RPIA: variants seen among roughly 807,000 people sequenced by gnomAD.
The protein encoded by RPIA is ribose-5-phosphate isomerase.
RPIA carries 29 observed loss-of-function variants against 37.8 expected under a neutral mutation model. That is an observed-to-expected ratio of 0.77 (90% CI 0.57 to 1.05). The LOEUF is 1.05. Among genes scored for constraint, RPIA ranks in the 50% least tolerant of loss-of-function variants. The probability of loss-of-function intolerance (pLI) is 0.00; values close to 1 mark genes in which losing one functional copy is unlikely to be tolerated. For synonymous variants in RPIA, 167 were observed against 157.0 expected, an observed-to-expected ratio of 1.06 and a Z score of -0.48; for missense variants, 385 against 413.6, an observed-to-expected ratio of 0.93 and a Z score of 0.60.
At chr2:88,738,132 C>T in intron 8 of RPIA, 56 bp downstream of exon 8, 4 of 1,296,966 alleles carry the variant, frequency 3.1e-6, no homozygotes, top group South Asian at 1.2e-5. Context: ...CATAACTGGC[C>T]CCTACATCTG....
At chr2:88,744,262 C>G (rs1673416572) in intron 8 of RPIA, among the ~76,000 whole-genome samples, 1 of 152,044 alleles carries the variant, frequency 6.6e-6, no homozygotes, top group African/African-American at 2.4e-5. Context: ...CATTGTTGAC[C>G]CAGAGATCAT....
At chr2:88,699,962 A>G (rs780362838) in intron 2 of RPIA, 47 bp from the exon 3 acceptor site, 37 of 1,594,952 alleles carry the variant, frequency 2.3e-5, no homozygotes, top group Non-Finnish European at 2.9e-5. Flanking sequence ...CAAGAAGAAT[A>G]AAGTAAGGAG....
chr2:88,724,435 T>C (rs1434918167), intron 3 of RPIA, among the ~76,000 whole-genome samples: 2 of 151,982 alleles, frequency 1.3e-5, no homozygotes, highest in Non-Finnish European at 2.9e-5. Flanking sequence ...GCCTCCCTAG[T>C]AGATGGGATT....
At chr2:88,729,218 G>C in intron 3 of RPIA, 60 bp from the exon 4 acceptor site, 1 of 1,558,178 alleles carries the variant, frequency 6.4e-7, no homozygotes, top group East Asian at 2.2e-5. Flanking sequence ...GAAGAATTCT[G>C]AGAATCCTTG....
intron 8 of RPIA, among the ~76,000 whole-genome samples, chr2:88,744,381 T>A (rs1254357905): frequency 6.6e-6 from 1 of 150,944 alleles, no homozygotes; most frequent in African/African-American, 2.4e-5. Context: ...CTTGATATAA[T>A]TTAGATTTTT....
chr2:88,713,559 AAC>A (rs1672991481), intron 3 of RPIA, among the ~76,000 whole-genome samples: 1 of 152,196 alleles, frequency 6.6e-6, no homozygotes, highest in Non-Finnish European at 1.5e-5. Flanking sequence ...GCATTCTGAA[AAC>A]ACCATGATGT....
rs150686479 is a variant in RPIA at position 88,749,159 on chromosome 2, A to T, written c.839-822A>T. 5.1e-4 allele frequency among the ~76,000 whole-genome samples: 78 copies of T among 152,310 alleles called. 1 individual carries two copies. In the East Asian group the frequency reaches 0.014, roughly 27 times the overall value. ...TATGCCTAACAGTTGTATATCTAGGAGTAGAATTGCTGAGTGGTTAGGTGT... is the reference window on the plus strand; with the variant it reads ...TATGCCTAACAGTTGTATATCTAGGTGTAGAATTGCTGAGTGGTTAGGTGT... On this transcript the variant is annotated intron_variant, in intron 8 of 8. Coordinates refer to ENST00000283646, the MANE Select transcript of RPIA (RefSeq NM_144563.3).
chr2:88,704,687 G>A (rs367715024), intron 3 of RPIA, among the ~76,000 whole-genome samples: 21 of 152,212 alleles, frequency 1.4e-4, no homozygotes, highest in African/African-American at 4.3e-4. Flanking sequence ...CTCTCTCACC[G>A]CTCCCGTTCA....
chr2:88,736,706 C>G (rs762230232), intron 7 of RPIA, 30 bp downstream of exon 7: 1 of 1,598,014 alleles, frequency 6.3e-7, no homozygotes, highest in South Asian at 1.1e-5. Flanking sequence ...CGGGGGTGTG[C>G]TGGGTGCACT....
rs763575671 is a variant in RPIA at position 88,691,904 on chromosome 2, G to T, written c.206G>T (p.Cys69Phe). ...AGCTGCGGGGACTCCAACAGCATCT[G>T]CCCGGCCCCCTCCACGATGTCCAAG... ...STSCGDSNSI[C>F]PAPSTMSKAE... Residue 69 changes from cysteine (C) to phenylalanine (F), a missense_variant, in exon 1 of 9, where the codon TGC becomes TTC. This residue lies in a region of RPIA where 232 missense variants were observed against 203.0 expected (regional missense o/e 1.14). Coordinates refer to ENST00000283646, the MANE Select transcript of RPIA (RefSeq NM_144563.3). 1.9e-6 allele frequency: 3 copies of T among 1,594,964 alleles called. No individual in the cohort carries two copies. Among genetic ancestry groups the T allele is most frequent in the African/African-American group, 1.3e-5 (1 of 74,800 alleles).
At chr2:88,718,556 A>G (rs1673064799) in intron 3 of RPIA, among the ~76,000 whole-genome samples, 1 of 152,172 alleles carries the variant, frequency 6.6e-6, no homozygotes, top group African/African-American at 2.4e-5. Flanking sequence ...TACTTACCAC[A>G]GCTCAGGAAT....
intron 3 of RPIA, among the ~76,000 whole-genome samples, chr2:88,700,887 A>G (rs946975091): frequency 6.6e-6 from 1 of 152,198 alleles, no homozygotes; most frequent in Non-Finnish European, 1.5e-5. Flanking sequence ...TCGCTGGATT[A>G]GTCAAGATGA....
chr2:88,717,077 G>C (rs1021037609), intron 3 of RPIA, among the ~76,000 whole-genome samples: 3 of 152,186 alleles, frequency 2.0e-5, no homozygotes, highest in Non-Finnish European at 4.4e-5. Context: ...TCCCTCCTTG[G>C]TATGGGGCAG....
intron 3 of RPIA, among the ~76,000 whole-genome samples, chr2:88,705,351 C>T (rs1157861261): frequency 6.6e-6 from 1 of 152,142 alleles, no homozygotes; most frequent in Non-Finnish European, 1.5e-5. Context: ...CAGCATGGTA[C>T]TGGTACAGCA....
At chr2:88,721,544 T>TAC (rs748522109) in intron 3 of RPIA, among the ~76,000 whole-genome samples, 10,027 of 82,232 alleles carry the variant, frequency 0.12, 714 homozygotes, top group Middle Eastern at 0.19. Flanking sequence ...ATATATATTA[T>TAC]ACACACACAC....
chr2:88,716,542 T>C (rs1673038884), intron 3 of RPIA, among the ~76,000 whole-genome samples: 1 of 152,192 alleles, frequency 6.6e-6, no homozygotes, highest in South Asian at 2.1e-4. Context: ...AAAATAGCAC[T>C]CCTCACCCAA....
chr2:88,698,563 T>C lies in RPIA; in HGVS notation c.346+19T>C. On this transcript the variant is annotated intron_variant, in intron 2 of 8. Coordinates refer to ENST00000283646, the MANE Select transcript of RPIA (RefSeq NM_144563.3). ...CGAATAGGTATGCTCTCTCACTGTC[T>C]ACTGGATGTTTTGTGTGTGATGATG... 6.2e-7 allele frequency: 1 copy of C among 1,608,866 alleles called. No individual in the cohort carries two copies. Among genetic ancestry groups the C allele is most frequent in the Middle Eastern group, 1.7e-4 (1 of 6,054 alleles).
intron 8 of RPIA, 94 bp from the exon 9 acceptor site, chr2:88,749,887 G>A: frequency 3.8e-6 from 3 of 795,580 alleles, no homozygotes; most frequent in Non-Finnish European, 4.4e-6. Context: ...CCAATGCTGT[G>A]TATGACAGTT....
intron 3 of RPIA, among the ~76,000 whole-genome samples, chr2:88,705,407 T>A (rs1226928664): frequency 6.6e-6 from 1 of 152,076 alleles, no homozygotes; most frequent in African/African-American, 2.4e-5. Context: ...GAAATAAGAC[T>A]GCACATCTAC....
Sources: allele counts gnomAD v4.1 joint callset (sites outside exome capture counted in the v4.1 genomes callset), GRCh38; gene constraint gnomAD v4.1.1; regional missense constraint gnomAD v4.1.1; transcripts MANE v1.5; gene names NCBI Gene and HGNC (gene_info 2026-07-23, HGNC 2026-07-21).